The following FGD4 variants were observed in gnomAD, a reference collection of about 807,000 sequenced individuals.
FGD4 encodes the protein FYVE, RhoGEF and PH domain-containing protein 4.
A neutral mutation model predicts 102.0 loss-of-function variants in FGD4; 42 were observed. The observed-to-expected ratio is 0.41, with a 90% CI of 0.32 to 0.53. The LOEUF (loss-of-function observed/expected upper bound fraction) is 0.53. Among genes scored for constraint, FGD4 ranks in the 20% least tolerant of loss-of-function variants. FGD4 has a pLI of 0.21. For missense variants in FGD4, 902 were observed against 1,078.2 expected, an observed-to-expected ratio of 0.84 and a Z score of 2.29; for synonymous variants, 380 against 375.7, an observed-to-expected ratio of 1.01 and a Z score of -0.13.
In FGD4 at chr12:32,414,117, G is replaced by A. The variant is rs893241396; in HGVS notation, c.166+14158G>A. Among the ~76,000 whole-genome samples, 6 of 151,520 alleles carry A rather than the reference G, an allele frequency of 4.0e-5. No individual in the cohort carries two copies. In the East Asian group the frequency reaches 5.8e-4, roughly 15 times the overall value. ...CTCCTGAGTAGCTGGGATTACAGGC[G>A]CCCACCAGCACACCCAGCTAATTTT... On this transcript the variant is annotated intron_variant, in intron 1 of 16. Transcript: ENST00000534526.
intron 1 of FGD4, among the ~76,000 whole-genome samples, chr12:32,469,736 C>G (rs556199074): frequency 2.0e-5 from 3 of 151,232 alleles, no homozygotes; most frequent in Non-Finnish European, 4.4e-5. Flanking sequence ...CTCGACTCAT[C>G]GCAACCTCTG....
intron 5 of FGD4, among the ~76,000 whole-genome samples, chr12:32,600,013 T>C (rs993619645): frequency 1.3e-5 from 2 of 152,228 alleles, no homozygotes; most frequent in African/African-American, 4.8e-5. Context: ...CAGGCAATCC[T>C]GTGCATACCT....
chr12:32,618,557 A>G (rs1415134240), intron 10 of FGD4, among the ~76,000 whole-genome samples: 1 of 152,180 alleles, frequency 6.6e-6, no homozygotes, highest in Admixed American at 6.5e-5. Flanking sequence ...TGCTGACCAG[A>G]TGCTATGTCT....
At position 32,477,473 on chromosome 12, in the gene FGD4, A is replaced by G. The variant is rs1250722435; in HGVS notation, c.166+77514A>G. The G allele has an allele frequency of 2.6e-5, 4 of 152,404 alleles. No homozygotes were observed. The East Asian group carries it at 7.7e-4, about 29-fold the overall frequency. 9.4% of individuals were successfully genotyped at this position (152,404 alleles called of 1,614,324 possible). A position where few individuals can be genotyped will look rare whatever the true frequency, so the allele number is the denominator to read the frequency against. On this transcript the variant is annotated intron_variant, in intron 1 of 16. Coordinates refer to ENST00000534526, the MANE Select transcript of FGD4 (RefSeq NM_001370298.3). ...TATATGTGCTGCCAAAGTAAGCACC[A>G]TTGGAAGAAATTTTAAATGGTGTAT... is the stretch of plus-strand genomic sequence containing the variant.
chr12:32,479,679 A>G (rs1943670489), intron 1 of FGD4, among the ~76,000 whole-genome samples: 1 of 150,774 alleles, frequency 6.6e-6, no homozygotes, highest in Non-Finnish European at 1.5e-5. Flanking sequence ...CTGTAGTTTT[A>G]GTAAATTGTC....
At chr12:32,430,234 G>C (rs1252929634) in intron 1 of FGD4, among the ~76,000 whole-genome samples, 1 of 152,064 alleles carries the variant, frequency 6.6e-6, no homozygotes, top group Non-Finnish European at 1.5e-5. Flanking sequence ...CTTGAACCTG[G>C]GAGGGGCAGG....
Position 32,586,290 on chromosome 12 carries a change from T to C in FGD4, c.1011+3823T>C, listed in dbSNP as rs189659610. 2.0e-5 allele frequency among the ~76,000 whole-genome samples: 3 copies of C among 152,292 alleles called. No individual in the cohort carries two copies. In the East Asian group the frequency reaches 5.8e-4, roughly 29 times the overall value. ...TTTAAGTTGCTAAAAGTTTACAATT[T>C]TCATTGAAAAAGAAGAAAATTGGCA... is the stretch of plus-strand genomic sequence containing the variant. On this transcript the variant is annotated intron_variant, in intron 4 of 16. Coordinates refer to ENST00000534526, the MANE Select transcript of FGD4 (RefSeq NM_001370298.3).
intron 1 of FGD4, among the ~76,000 whole-genome samples, chr12:32,531,015 G>C: frequency 7.5e-6 from 1 of 133,636 alleles, no homozygotes; most frequent in Non-Finnish European, 1.5e-5. Context: ...GCAGTGGTGC[G>C]ATCGCGGCTC....
intron 1 of FGD4, among the ~76,000 whole-genome samples, chr12:32,510,183 A>G (rs1315102224): frequency 1.3e-5 from 2 of 152,254 alleles, no homozygotes; most frequent in Non-Finnish European, 2.9e-5. Flanking sequence ...ATCACATCAT[A>G]TCAGGTGTTT....
chr12:32,588,756 G>C lies in FGD4; in HGVS notation c.1011+6289G>C, dbSNP rs564500976. 2.6e-5 allele frequency among the ~76,000 whole-genome samples: 4 copies of C among 152,352 alleles called. No homozygotes were observed. The South Asian group carries it at 8.3e-4, about 32-fold the overall frequency. On this transcript the variant is annotated intron_variant, in intron 4 of 16. Coordinates refer to ENST00000534526, the MANE Select transcript of FGD4 (RefSeq NM_001370298.3). ...TTGGAGTGGGAATTAGCCAGGATCA[G>C]CAAGTCAGCAGTGCCAAGAGAACAA...
chr12:32,616,649 GTTT>G (rs1262676871), intron 10 of FGD4, among the ~76,000 whole-genome samples: 1 of 152,166 alleles, frequency 6.6e-6, no homozygotes, highest in Non-Finnish European at 1.5e-5. Context: ...ATGAGGGCTA[GTTT>G]TCTGTTTCCT....
In FGD4 at chr12:32,472,561, C is replaced by T. The variant is rs898820449; in HGVS notation, c.166+72602C>T. Among the ~76,000 whole-genome samples the T allele has an allele frequency of 2.0e-5, 3 of 152,364 alleles. No homozygotes were observed. The East Asian group carries it at 5.8e-4, about 29-fold the overall frequency. On this transcript the variant is annotated intron_variant, in intron 1 of 16. Coordinates refer to ENST00000534526, the MANE Select transcript of FGD4 (RefSeq NM_001370298.3). ...GGCTCGGGACCTGCAGCCCGCCATG[C>T]CTGAGCCTCCCACCCACTCCATGGG... is the stretch of plus-strand genomic sequence containing the variant.
rs1379010375 is a variant in FGD4, at chr12:32,644,135, A to C, written c.*3602A>C. 1 of 152,188 alleles carries C rather than the reference A, an allele frequency of 6.6e-6. No homozygotes were observed. Among genetic ancestry groups the C allele is most frequent in the African/African-American group, 2.4e-5 (1 of 41,474 alleles). 9.4% of individuals were successfully genotyped at this position (152,188 alleles called of 1,614,324 possible). A position where few individuals can be genotyped will look rare whatever the true frequency, so the allele number is the denominator to read the frequency against. On this transcript the variant is annotated 3_prime_UTR_variant, in exon 17 of 17. Coordinates refer to ENST00000534526, the MANE Select transcript of FGD4 (RefSeq NM_001370298.3). ...TAAGCTAAAATTAACTCAAAAGTCA[A>C]GAATGTCTTAATGTTTTCATTCTTA...
intron 1 of FGD4, among the ~76,000 whole-genome samples, chr12:32,477,679 T>C (rs1468850616): frequency 6.6e-6 from 1 of 152,168 alleles, no homozygotes; most frequent in Non-Finnish European, 1.5e-5. Flanking sequence ...CTACTAAGTG[T>C]AGAGAAAGAG....
rs1290094853 is a variant in FGD4 at position 32,640,565 on chromosome 12, C to T, written c.*32C>T. 6.2e-7 allele frequency: 1 copy of T among 1,612,860 alleles called. No individual in the cohort carries two copies. The highest frequency in any genetic ancestry group is 2.2e-5 in the East Asian group (1 of 44,886). On this transcript the variant is annotated 3_prime_UTR_variant, in exon 17 of 17. Coordinates refer to ENST00000534526, the MANE Select transcript of FGD4 (RefSeq NM_001370298.3). ...CCAGGACCAGCCATGGTGTGGAGGT[C>T]TCAGGACTTACAGCTCAAGACATTC...
At chr12:32,633,791 C>A in intron 15 of FGD4, 102 bp downstream of exon 15, 1 of 1,069,516 alleles carries the variant, frequency 9.4e-7, no homozygotes, top group Non-Finnish European at 1.3e-6. Context: ...TCTCAGCTCA[C>A]TGCAACCTCA....
At chr12:32,523,746 G>A (rs1461283156) in intron 1 of FGD4, among the ~76,000 whole-genome samples, 3 of 152,074 alleles carry the variant, frequency 2.0e-5, no homozygotes, top group African/African-American at 7.2e-5. Flanking sequence ...AGGCCGAGGC[G>A]GGCAGATCAT....
intron 1 of FGD4, among the ~76,000 whole-genome samples, chr12:32,477,871 A>G (rs537459245): frequency 2.0e-5 from 3 of 152,320 alleles, no homozygotes; most frequent in Admixed American, 1.3e-4. Flanking sequence ...AGCTGTTTGT[A>G]GATTGGTAGG....
intron 1 of FGD4, among the ~76,000 whole-genome samples, chr12:32,499,699 T>A (rs1565778961): frequency 6.6e-6 from 1 of 152,236 alleles, no homozygotes; most frequent in Non-Finnish European, 1.5e-5. Flanking sequence ...GAAGCCTAGG[T>A]AAGCCTGGCC....
Sources: gnomAD v4.1 joint callset for allele counts (sites outside exome capture counted in the v4.1 genomes callset) on GRCh38, gnomAD v4.1.1 for gene constraint, MANE v1.5 for transcripts, NCBI Gene and HGNC (gene_info 2026-07-23, HGNC 2026-07-21) for gene names.